TNPO3: variants seen among roughly 807,000 people sequenced by gnomAD.
TNPO3 encodes transportin-3.
A neutral mutation model predicts 122.8 loss-of-function variants in TNPO3; 65 were observed. That is an observed-to-expected ratio of 0.53 (90% CI 0.43 to 0.65). TNPO3 has a LOEUF of 0.65. Among genes scored for constraint, TNPO3 ranks in the 30% least tolerant of loss-of-function variants. The pLI is 0.00. For synonymous variants in TNPO3, 372 were observed against 411.2 expected (o/e 0.90, Z 1.15); for missense variants, 850 against 1,136.7 (o/e 0.75, Z 3.63).
intron 1 of TNPO3, among the ~76,000 whole-genome samples, chr7:129,049,650 G>A (rs1452506677): frequency 6.6e-6 from 1 of 152,126 alleles, no homozygotes; most frequent in Admixed American, 6.5e-5. Flanking sequence ...ATAAAAATCA[G>A]AGTAAAGATC....
chr7:128,998,265 T>C (rs888485072), intron 7 of TNPO3, among the ~76,000 whole-genome samples: 28 of 151,978 alleles, frequency 1.8e-4, no homozygotes, highest in African/African-American at 6.8e-4. Flanking sequence ...GAGGCTGAGG[T>C]TGGAGGATCA....
At chr7:129,008,704 G>A (rs770239690) in intron 4 of TNPO3, among the ~76,000 whole-genome samples, 2 of 152,180 alleles carry the variant, frequency 1.3e-5, no homozygotes, top group African/African-American at 2.4e-5. Flanking sequence ...TGGAGCCACT[G>A]AGAGATTTCT....
chr7:129,001,033 G>A (rs1267686485), intron 6 of TNPO3, 26 bp downstream of exon 6: 1 of 1,607,848 alleles, frequency 6.2e-7, no homozygotes. Context: ...GTAAACCCAG[G>A]GCTCCAGACT....
At position 129,000,574 on chromosome 7, in the gene TNPO3, A is replaced by G. The variant is rs745495840; in HGVS notation, c.873-7T>C. On this transcript the variant is annotated splice_polypyrimidine_tract_variant and splice_region_variant and intron_variant, in intron 6 of 22. Transcript: ENST00000265388. ...ACGGCAGTAATTCAGAACTCTGTAG[A>G]AGACAGGGGAATGAGAACAATGAGT... The G allele has an allele frequency of 7.4e-6, 12 of 1,611,214 alleles. No homozygotes were observed. The East Asian group carries it at 2.7e-4, about 36-fold the overall frequency.
intron 1 of TNPO3, among the ~76,000 whole-genome samples, chr7:129,034,657 A>G (rs1203668468): frequency 6.6e-6 from 1 of 151,838 alleles, no homozygotes; most frequent in East Asian, 1.9e-4. Context: ...TGGGAGGCTG[A>G]GGCGGGCGGA....
At chr7:128,971,111 GAAAA>G (rs11380853) in intron 19 of TNPO3, 1 of 141,876 alleles carries the variant, frequency 7.0e-6, no homozygotes, top group East Asian at 2.0e-4. Context: ...TTTTTCTATC[GAAAA>G]AAAAAAAACC....
chr7:128,957,708 T>C (rs79546643), intron 21 of TNPO3, among the ~76,000 whole-genome samples: 1 of 152,158 alleles, frequency 6.6e-6, no homozygotes, highest in Non-Finnish European at 1.5e-5. Context: ...GTGAACAAAA[T>C]AGTATTCAAT....
At chr7:128,979,238 G>GT in intron 15 of TNPO3, 115 bp from the exon 16 acceptor site, 1 of 1,281,060 alleles carries the variant, frequency 7.8e-7, no homozygotes, top group African/African-American at 1.5e-5. Flanking sequence ...AAAACTTTCT[G>GT]TATAGGAACA....
chr7:129,018,754 T>C (rs1030195351), intron 1 of TNPO3, among the ~76,000 whole-genome samples: 1 of 152,192 alleles, frequency 6.6e-6, no homozygotes, highest in African/African-American at 2.4e-5. Flanking sequence ...AGTCTCACTC[T>C]GTCACCCAGG....
intron 4 of TNPO3, among the ~76,000 whole-genome samples, chr7:129,013,387 C>T (rs1803444665): frequency 6.7e-6 from 1 of 149,834 alleles, no homozygotes; most frequent in African/African-American, 2.4e-5. Flanking sequence ...AACTACCCAT[C>T]CAACAAGAGA....
At chr7:128,975,336 G>T (rs1389056900) in intron 17 of TNPO3, among the ~76,000 whole-genome samples, 1 of 152,148 alleles carries the variant, frequency 6.6e-6, no homozygotes, top group East Asian at 1.9e-4. Context: ...TAAATGAAAA[G>T]ACATCTTGGG....
At position 129,001,194 on chromosome 7, in the gene TNPO3, G is replaced by A. The variant is rs1007669048; in HGVS notation, c.737C>T (p.Ser246Leu). The A allele has an allele frequency of 6.2e-6, 10 of 1,613,616 alleles. No individual in the cohort carries two copies. Among genetic ancestry groups the A allele is most frequent in the South Asian group, 2.2e-5 (2 of 91,062 alleles). Residue 246 changes from serine (S) to leucine (L), a missense_variant, in exon 6 of 23, where the codon TCG becomes TTG. Transcript: ENST00000265388. ...ATAGAGAGCTGAGCATACACAGTCC[G>A]AAGCAGCTTCATGTAGGTTAGACGA... ...KTSSNLHEAA[S>L]DCVCSALYAI...
At chr7:129,056,026 C>T, upstream of TNPO3, 1 of 1,106,574 alleles carries the variant, frequency 9.0e-7, no homozygotes, top group Middle Eastern at 2.0e-4. Context: ...GCCATGGCGC[C>T]CTCCAGGAAG....
chr7:129,041,884 T>G (rs192632476), intron 1 of TNPO3, among the ~76,000 whole-genome samples: 129 of 152,370 alleles, frequency 8.5e-4, no homozygotes, highest in Non-Finnish European at 1.7e-3. Context: ...TAACATGCTC[T>G]AAGCCCTTCA....
At position 129,042,981 on chromosome 7, in the gene TNPO3, C is replaced by G. The variant is rs560110762; in HGVS notation, c.120+11670G>C. Reference sequence around the variant, plus strand: ...TACATTTTCTAGAAGCAAAAAAGTTCCCTTATAGAGGTAAGTTCAGTCAAC... The same window carrying G: ...TACATTTTCTAGAAGCAAAAAAGTTGCCTTATAGAGGTAAGTTCAGTCAAC... On this transcript the variant is annotated intron_variant, in intron 1 of 22. Transcript: ENST00000265388. 8.1e-4 allele frequency among the ~76,000 whole-genome samples: 124 copies of G among 152,216 alleles called. 2 individuals carry two copies. Among genetic ancestry groups the G allele is most frequent in the African/African-American group, 2.8e-3 (117 of 41,526 alleles).
intron 22 of TNPO3, 85 bp downstream of exon 22, chr7:128,957,139 G>C: frequency 4.4e-6 from 5 of 1,139,904 alleles, no homozygotes; most frequent in Non-Finnish European, 6.6e-6. Context: ...CTGGTCCCAT[G>C]ATAGGCATTA....
intron 21 of TNPO3, among the ~76,000 whole-genome samples, chr7:128,966,362 T>C (rs551025829): frequency 1.3e-5 from 2 of 152,316 alleles, no homozygotes; most frequent in Admixed American, 6.5e-5. Flanking sequence ...CTTTCCACAC[T>C]GTATGATTAT....
rs774326882 is a variant in TNPO3 at position 129,001,093 on chromosome 7, A to G, written c.838T>C (p.Tyr280His). 1 of 1,614,202 alleles carries G rather than the reference A, an allele frequency of 6.2e-7. No homozygotes were observed. Residue 280 changes from tyrosine to histidine, a missense_variant, in exon 6 of 23, where the codon TAT becomes CAT. Tyr to His is a moderately conservative substitution (Grantham distance 83). Coordinates refer to ENST00000265388, the MANE Select transcript of TNPO3 (RefSeq NM_012470.4). ...TCTTCACGTGCCACGGCCATATGAT[A>G]GGCAGTCTCCAATGTCAGCACTCCC... ...FQGVLTLETA[Y>H]HMAVAREDLD...
Position 128,982,379 on chromosome 7 carries a change from C to G in TNPO3, c.1783-55G>C, listed in dbSNP as rs1161940570. The stretch of plus-strand genomic sequence containing the variant: ...ATTGTCACATGTACAAATCTACAGC[C>G]AACACTGCAACATACATCAACCTTT... On this transcript the variant is annotated intron_variant, in intron 13 of 22. Transcript: ENST00000265388. 4 of 1,427,232 alleles carry G rather than the reference C, an allele frequency of 2.8e-6. No homozygotes were observed. The East Asian group carries it at 9.2e-5, about 33-fold the overall frequency. 88.4% of individuals were successfully genotyped at this position (1,427,232 alleles called of 1,614,324 possible).
Sources: gnomAD v4.1 joint callset for allele counts (sites outside exome capture counted in the v4.1 genomes callset) on GRCh38, gnomAD v4.1.1 for gene constraint, MANE v1.5 for transcripts, NCBI Gene and HGNC (gene_info 2026-07-23, HGNC 2026-07-21) for gene names.